Variants in ASH1L observed in about 807,000 individuals in gnomAD.
ASH1L encodes histone-lysine N-methyltransferase ASH1L.
A neutral mutation model predicts 269.0 loss-of-function variants in ASH1L; 23 were observed. The ratio of observed to expected loss-of-function variants is 0.09; its 90% CI spans 0.06 to 0.12. The LOEUF (loss-of-function observed/expected upper bound fraction) is 0.12, where lower values mean the gene tolerates loss of function less well. ASH1L is among the 10% of genes least tolerant of loss of function. ASH1L has a pLI of 1.00. For missense variants in ASH1L, 2,912 were observed against 3,567.8 expected, an observed-to-expected ratio of 0.82 and a Z score of 4.68; for synonymous variants, 1,187 against 1,253.5, an observed-to-expected ratio of 0.95 and a Z score of 1.12.
At chr1:155,360,257 T>C (rs1654827279) in intron 13 of ASH1L, 44 bp downstream of exon 13, 1 of 1,277,372 alleles carries the variant, frequency 7.8e-7, no homozygotes, top group Non-Finnish European at 1.1e-6. Context: ...TACAGCATTG[T>C]AAGGGATAAA....
intron 25 of ASH1L, 32 bp from the exon 26 acceptor site, chr1:155,339,400 T>C: frequency 6.2e-7 from 1 of 1,609,578 alleles, no homozygotes; most frequent in Admixed American, 1.7e-5. Flanking sequence ...GGTAAGCATA[T>C]TGTAGAAGCT....
intron 1 of ASH1L, among the ~76,000 whole-genome samples, chr1:155,544,734 A>G (rs1670672410): frequency 6.6e-6 from 1 of 152,206 alleles, no homozygotes; most frequent in Admixed American, 6.6e-5. Context: ...AAATATAAAC[A>G]TGAAAAAGGA....
chr1:155,423,299 G>A lies in ASH1L; in HGVS notation c.5829-7376C>T, dbSNP rs554298695. ...GCATCCACATAAAAACTGCATTTTC[G>A]GCCAGGCATGGTGGCTCACACCTGT... On this transcript the variant is annotated intron_variant, in intron 5 of 27. Coordinates refer to ENST00000392403, the MANE Select transcript of ASH1L (RefSeq NM_018489.3). 1.5e-3 allele frequency among the ~76,000 whole-genome samples: 220 copies of A among 150,992 alleles called. 1 individual carries two copies. The highest frequency in any genetic ancestry group is 5.1e-3 in the African/African-American group (212 of 41,258).
At chr1:155,437,168 C>A (rs1160112501) in intron 5 of ASH1L, among the ~76,000 whole-genome samples, 1 of 152,036 alleles carries the variant, frequency 6.6e-6, no homozygotes, top group Non-Finnish European at 1.5e-5. Context: ...AGTAAAAATG[C>A]AATCCACAGA....
At chr1:155,489,623 T>A (rs916608104) in intron 2 of ASH1L, among the ~76,000 whole-genome samples, 1 of 151,706 alleles carries the variant, frequency 6.6e-6, no homozygotes, top group Non-Finnish European at 1.5e-5. Flanking sequence ...ACGGGCATGG[T>A]GGCGGGTGCC....
intron 1 of ASH1L, among the ~76,000 whole-genome samples, chr1:155,523,874 C>T (rs191650552): frequency 3.9e-5 from 6 of 152,124 alleles, no homozygotes; most frequent in Non-Finnish European, 5.9e-5. Flanking sequence ...AAAAAAGGTG[C>T]CAATAATTTA....
At chr1:155,498,568 A>C (rs1667305797) in intron 2 of ASH1L, among the ~76,000 whole-genome samples, 1 of 151,936 alleles carries the variant, frequency 6.6e-6, no homozygotes, top group African/African-American at 2.4e-5. Flanking sequence ...CAGCCTTCCA[A>C]GTAGCTGGGA....
At chr1:155,361,283 C>T (rs1391392451) in intron 12 of ASH1L, among the ~76,000 whole-genome samples, 2 of 151,918 alleles carry the variant, frequency 1.3e-5, no homozygotes, top group Non-Finnish European at 2.9e-5. Flanking sequence ...CTTTGGGAGG[C>T]TGAGGCAGGC....
intron 6 of ASH1L, among the ~76,000 whole-genome samples, chr1:155,409,229 T>C (rs1659563885): frequency 6.6e-6 from 1 of 152,120 alleles, no homozygotes; most frequent in Non-Finnish European, 1.5e-5. Flanking sequence ...TTTCACCATG[T>C]TGGCCAGGGT....
At chr1:155,406,666 A>C (rs996738344) in intron 6 of ASH1L, among the ~76,000 whole-genome samples, 13 of 152,070 alleles carry the variant, frequency 8.5e-5, no homozygotes, top group African/African-American at 2.7e-4. Context: ...GTGCCACTAT[A>C]CTCCAGGCTG....
chr1:155,550,077 G>A (rs564234722), intron 1 of ASH1L, among the ~76,000 whole-genome samples: 2 of 151,544 alleles, frequency 1.3e-5, no homozygotes, highest in African/African-American at 4.8e-5. Context: ...CTGGAGTGCC[G>A]TGGCGTAATC....
Position 155,481,228 on chromosome 1 carries a change from T to C in ASH1L, c.1642A>G (p.Ser548Gly), listed in dbSNP as rs1558151809. ...SDVSTAKSPFSAVGESNLPSP... is the reference protein window; with the variant it reads ...SDVSTAKSPFGAVGESNLPSP... Reference sequence around the variant, plus strand: ...GGGAGATTGCTTTCTCCTACTGCACTGAATGGGGATTTAGCGGTAGATACA... The same window carrying C: ...GGGAGATTGCTTTCTCCTACTGCACCGAATGGGGATTTAGCGGTAGATACA... The change falls in exon 3 of 28, where the codon AGT becomes GGT. Residue 548 changes from serine to glycine, a missense_variant. Around this residue, in one of 13 missense-constraint regions of ASH1L, gnomAD observed 715 missense variants for 721.0 expected, o/e 0.99. Transcript: ENST00000392403. The C allele has an allele frequency of 1.9e-6, 3 of 1,614,126 alleles. No individual in the cohort carries two copies. The highest frequency in any genetic ancestry group is 1.3e-5 in the African/African-American group (1 of 75,062).
intron 12 of ASH1L, among the ~76,000 whole-genome samples, chr1:155,368,383 C>G (rs913941970): frequency 1.3e-5 from 2 of 151,924 alleles, no homozygotes; most frequent in African/African-American, 2.4e-5. Flanking sequence ...GTTACATTTT[C>G]AATTTTGGGG....
intron 4 of ASH1L, among the ~76,000 whole-genome samples, chr1:155,447,998 T>C (rs1336013749): frequency 6.6e-6 from 1 of 152,248 alleles, no homozygotes; most frequent in Non-Finnish European, 1.5e-5. Context: ...TTTGAGATCT[T>C]AGATTTAAGC....
chr1:155,388,638 A>G (rs932128191), intron 7 of ASH1L, among the ~76,000 whole-genome samples: 7 of 150,518 alleles, frequency 4.7e-5, no homozygotes, highest in African/African-American at 1.5e-4. Flanking sequence ...CTTTTGCTCA[A>G]TACAACCCCA....
Position 155,380,122 on chromosome 1 carries a change from A to T in ASH1L, c.6104-6T>A. 6.2e-7 allele frequency: 1 copy of T among 1,603,444 alleles called. No homozygotes were observed. The highest frequency in any genetic ancestry group is 8.5e-7 in the Non-Finnish European group (1 of 1,170,638). ...CTTTTGTCTTAGATACTTTCCTGAA[A>T]CAAAAAACACTATTAATTTCAATAC... is the stretch of plus-strand genomic sequence containing the variant. On this transcript the variant is annotated splice_polypyrimidine_tract_variant and splice_region_variant and intron_variant, in intron 7 of 27. Transcript: ENST00000392403.
chr1:155,549,624 C>CAAAA (rs1043659273), intron 1 of ASH1L, among the ~76,000 whole-genome samples: 2 of 60,450 alleles, frequency 3.3e-5, no homozygotes, highest in African/African-American at 1.0e-4. Flanking sequence ...GACTCAGTCT[C>CAAAA]AAAAAAAAAA....
intron 1 of ASH1L, among the ~76,000 whole-genome samples, chr1:155,541,211 T>C (rs944656341): frequency 6.6e-6 from 1 of 152,200 alleles, no homozygotes; most frequent in Non-Finnish European, 1.5e-5. Flanking sequence ...ATAAAGGGCA[T>C]TCAAAAAATA....
chr1:155,503,016 G>C (rs1282048332), intron 2 of ASH1L, among the ~76,000 whole-genome samples: 1 of 152,076 alleles, frequency 6.6e-6, no homozygotes, highest in Non-Finnish European at 1.5e-5. Flanking sequence ...CCCCTGCCTT[G>C]GCTTATAATT....
Sources: allele counts gnomAD v4.1 joint callset (sites outside exome capture counted in the v4.1 genomes callset), GRCh38; gene constraint gnomAD v4.1.1; regional missense constraint gnomAD v4.1.1; transcripts MANE v1.5; gene names NCBI Gene and HGNC (gene_info 2026-07-23, HGNC 2026-07-21).